The following TTLL7 variants were observed in gnomAD, a reference collection of about 807,000 sequenced individuals.
TTLL7 encodes tubulin tyrosine ligase like 7.
In TTLL7, 53 loss-of-function variants were observed where a neutral mutation model predicts 120.2. That is an observed-to-expected ratio of 0.44 (90% CI 0.35 to 0.55). TTLL7 has a LOEUF of 0.55. Ranked by LOEUF, TTLL7 falls within the 20% of genes least tolerant of loss-of-function variation. The pLI is 0.00. For synonymous variants in TTLL7, 353 were observed against 351.7 expected (o/e 1.00, Z -0.04); for missense variants, 803 against 1,054.7 (o/e 0.76, Z 3.31).
chr1:83,957,472 G>A (rs900322405), intron 1 of TTLL7, among the ~76,000 whole-genome samples: 3 of 152,110 alleles, frequency 2.0e-5, no homozygotes, highest in Non-Finnish European at 4.4e-5. Flanking sequence ...AGAGGAAGGA[G>A]AAAAGAACCA....
intron 9 of TTLL7, among the ~76,000 whole-genome samples, chr1:83,933,206 G>A (rs1659752881): frequency 6.6e-6 from 1 of 152,122 alleles, no homozygotes; most frequent in Non-Finnish European, 1.5e-5. Flanking sequence ...CTCTCGGAGA[G>A]TCTGAAGGGG....
chr1:83,921,513 T>G, intron 10 of TTLL7, 119 bp from the exon 11 acceptor site: 1 of 1,062,804 alleles, frequency 9.4e-7, no homozygotes, highest in Non-Finnish European at 1.3e-6. Flanking sequence ...TTTATTAAAC[T>G]TATATATTCA....
intron 1 of TTLL7, among the ~76,000 whole-genome samples, chr1:83,957,675 T>C (rs1172350037): frequency 1.3e-5 from 2 of 152,192 alleles, no homozygotes; most frequent in African/African-American, 2.4e-5. Context: ...AGGAAACCCA[T>C]ATTCCTTCCC....
chr1:83,975,474 T>G (rs928144111), intron 1 of TTLL7, among the ~76,000 whole-genome samples: 4 of 151,970 alleles, frequency 2.6e-5, no homozygotes, highest in African/African-American at 9.7e-5. Context: ...CTTAGACAGA[T>G]CTGTTTGATT....
intron 1 of TTLL7, among the ~76,000 whole-genome samples, chr1:83,965,400 C>A (rs1258209892): frequency 6.6e-6 from 1 of 151,970 alleles, no homozygotes; most frequent in Non-Finnish European, 1.5e-5. Context: ...TGCCACCTTG[C>A]GAAGAAGGTG....
chr1:83,906,498 G>T (rs759707393), intron 16 of TTLL7, 35 bp from the exon 17 acceptor site: 42 of 1,609,724 alleles, frequency 2.6e-5, no homozygotes, highest in Non-Finnish European at 3.3e-5. Context: ...TTTGGAGGGG[G>T]TCTTATTTCA....
At chr1:83,972,843 A>T (rs1437796800) in intron 1 of TTLL7, among the ~76,000 whole-genome samples, 1 of 151,894 alleles carries the variant, frequency 6.6e-6, no homozygotes, top group South Asian at 2.1e-4. Context: ...AGCTCTTTTT[A>T]TATGCTTATT....
Position 83,868,176 on chromosome 1 carries a change from G to C in TTLL7, c.*1786C>G, listed in dbSNP as rs1237639965. On this transcript the variant is annotated 3_prime_UTR_variant, in exon 21 of 21. Coordinates refer to ENST00000260505, the MANE Select transcript of TTLL7 (RefSeq NM_024686.6). ...ATTCTTCAGGCTGTGAATTAAACCA[G>C]GCCAATTTGCCCCTCTCAGTTCTCC... 1 of 152,158 alleles carries C rather than the reference G, an allele frequency of 6.6e-6. No individual in the cohort carries two copies. The highest frequency in any genetic ancestry group is 1.9e-4 in the East Asian group (1 of 5,194). 9.4% of individuals were successfully genotyped at this position (152,158 alleles called of 1,614,324 possible). A position where few individuals can be genotyped will look rare whatever the true frequency, so the allele number is the denominator to read the frequency against.
chr1:83,915,869 A>T (rs982952873), intron 14 of TTLL7, among the ~76,000 whole-genome samples: 5 of 152,248 alleles, frequency 3.3e-5, no homozygotes, highest in Admixed American at 2.0e-4. Flanking sequence ...ACATTTATGC[A>T]GTCAAAAGAC....
At position 83,983,279 on chromosome 1, in the gene TTLL7, C is replaced by T. The variant is rs182146528; in HGVS notation, c.-177+15652G>A. Among the ~76,000 whole-genome samples, 1,125 of 152,040 alleles carry T rather than the reference C, an allele frequency of 7.4e-3. 8 individuals are homozygous for T. Among genetic ancestry groups the T allele is most frequent in the South Asian group, 0.013 (61 of 4,800 alleles). The stretch of plus-strand genomic sequence containing the variant: ...CCAGGAGGCGGAGGCTGCAGTGAGC[C>T]GAGATCACGCCACTGCACTCCAGAC... On this transcript the variant is annotated intron_variant, in intron 1 of 20. Transcript: ENST00000260505.
intron 1 of TTLL7, among the ~76,000 whole-genome samples, chr1:83,952,947 C>G (rs1649190795): frequency 6.6e-6 from 1 of 152,092 alleles, no homozygotes; most frequent in South Asian, 2.1e-4. Flanking sequence ...GTGAAAAGTG[C>G]CAGGCAGGGT....
chr1:83,911,320 G>C lies in TTLL7; in HGVS notation c.1631C>G (p.Pro544Arg), dbSNP rs1039184852. The change falls in exon 15 of 21, where the codon CCA (proline) becomes CGA (arginine). Residue 544 changes from proline to arginine, a missense_variant. Coordinates refer to ENST00000260505, the MANE Select transcript of TTLL7 (RefSeq NM_024686.6). ...MPESTEIMKR[P>R]KYCSSDSSYD... is the part of the protein sequence containing the mutation. ...ACTGCTGTCACTGCTGCAGTACTTT[G>C]GTCTTTTCATTATCTCAGTACTCTC... is the stretch of plus-strand genomic sequence containing the variant. 26 of 1,613,586 alleles carry C rather than the reference G, an allele frequency of 1.6e-5. No individual in the cohort carries two copies. Among genetic ancestry groups the C allele is most frequent in the East Asian group, 4.5e-5 (2 of 44,818 alleles).
chr1:83,879,231 C>G (rs533444851), intron 20 of TTLL7, among the ~76,000 whole-genome samples: 2 of 152,024 alleles, frequency 1.3e-5, no homozygotes, highest in South Asian at 4.1e-4. Flanking sequence ...CCACTTTTTA[C>G]ATATTGTTAA....
chr1:83,876,749 T>C (rs1310970334), intron 20 of TTLL7, among the ~76,000 whole-genome samples: 1 of 152,014 alleles, frequency 6.6e-6, no homozygotes, highest in African/African-American at 2.4e-5. Flanking sequence ...GTAATTGATT[T>C]TCCTATATTG....
intron 3 of TTLL7, 27 bp downstream of exon 3, chr1:83,951,818 C>G (rs199704898): frequency 6.3e-7 from 1 of 1,587,222 alleles, no homozygotes; most frequent in East Asian, 2.3e-5. Context: ...TTATGAGAAT[C>G]CCATGATTGC....
At chr1:83,984,696 C>G (rs571352176) in intron 1 of TTLL7, among the ~76,000 whole-genome samples, 8 of 152,286 alleles carry the variant, frequency 5.3e-5, no homozygotes, top group African/African-American at 1.9e-4. Context: ...ACTGCATGTT[C>G]TCACTTATAA....
intron 1 of TTLL7, among the ~76,000 whole-genome samples, chr1:83,993,371 A>G (rs893080395): frequency 3.3e-5 from 5 of 152,234 alleles, no homozygotes; most frequent in Non-Finnish European, 7.3e-5. Flanking sequence ...TGGAAGAGGG[A>G]GGAAAATGTT....
chr1:83,890,170 T>G, intron 19 of TTLL7, 151 bp downstream of exon 19: 2 of 749,136 alleles, frequency 2.7e-6, no homozygotes, highest in Non-Finnish European at 4.3e-6. Context: ...ATCAGCTTAA[T>G]TGATATAAAT....
intron 1 of TTLL7, 45 bp downstream of exon 1, chr1:83,998,886 G>C (rs1194382827): frequency 1.9e-5 from 7 of 362,426 alleles, no homozygotes; most frequent in Non-Finnish European, 3.9e-5. Flanking sequence ...GGGACGTGGG[G>C]ACATGGAAGG....
Sources: gnomAD v4.1 joint callset for allele counts (sites outside exome capture counted in the v4.1 genomes callset) on GRCh38, gnomAD v4.1.1 for gene constraint, MANE v1.5 for transcripts, NCBI Gene and HGNC (gene_info 2026-07-23, HGNC 2026-07-21) for gene names.